OR10H5: variants seen among roughly 807,000 people sequenced by gnomAD.
OR10H5 encodes the protein olfactory receptor family 10 subfamily H member 5.
A neutral mutation model predicts 12.2 loss-of-function variants in OR10H5; 7 were observed. That is an observed-to-expected ratio of 0.57 (90% confidence interval 0.33 to 1.07). The LOEUF (loss-of-function observed/expected upper bound fraction) is 1.07. OR10H5 is among the 50% of genes least tolerant of loss of function. The pLI, the probability that OR10H5 is intolerant of heterozygous loss-of-function variation, is 0.04. For missense variants in OR10H5, 346 were observed against 411.6 expected (o/e 0.84, Z 1.38); for synonymous variants, 159 against 175.1 (o/e 0.91, Z 0.73).
At chr19:15,791,717 G>A (rs573576165) in intron 1 of OR10H5, among the ~76,000 whole-genome samples, 13 of 150,704 alleles carry the variant, frequency 8.6e-5, no homozygotes, top group African/African-American at 3.2e-4. Context: ...TTTTGAGACG[G>A]AGTCTCGCTC....
At position 15,794,651 on chromosome 19, in the gene OR10H5, CTT is replaced by C. The variant is rs1290470961; in HGVS notation, c.604_605del (p.Leu202GlyfsTer31). 2.5e-6 allele frequency: 4 copies of C among 1,614,166 alleles called. No homozygotes were observed. In the South Asian group the frequency reaches 4.4e-5, roughly 18 times the overall value. On this transcript the variant is annotated frameshift_variant, in exon 2 of 2. Coordinates refer to ENST00000642092, the MANE Select transcript of OR10H5 (RefSeq NM_001004466.2). LOFTEE classifies it high-confidence loss of function. ...TGCTGGTGGTGGCCAAAGGCGTGGG[CTT>C]GGTGTGTATCACGGCCCTGCTGGGC... ...DVLVVAKGVG[L>X]VCITALLGCF... is the part of the protein sequence containing the mutation.
chr19:15,793,553 A>G (rs2088818846), intron 1 of OR10H5, among the ~76,000 whole-genome samples: 2 of 152,056 alleles, frequency 1.3e-5, no homozygotes, highest in South Asian at 4.2e-4. Context: ...GGTGTGAGCC[A>G]TCATTCCCAG....
At chr19:15,792,428 T>C (rs780492930) in intron 1 of OR10H5, among the ~76,000 whole-genome samples, 5 of 152,166 alleles carry the variant, frequency 3.3e-5, no homozygotes, top group Non-Finnish European at 7.4e-5. Context: ...AGAACTTTAG[T>C]CTGACCATCC....
intron 1 of OR10H5, among the ~76,000 whole-genome samples, chr19:15,792,942 T>C (rs908537510): frequency 2.0e-5 from 3 of 151,904 alleles, no homozygotes; most frequent in Non-Finnish European, 4.4e-5. Flanking sequence ...CCCCTAGCTC[T>C]GAAGTGGGGA....
At chr19:15,788,221 A>G (rs932135424) in intron 1 of OR10H5, among the ~76,000 whole-genome samples, 1 of 152,106 alleles carries the variant, frequency 6.6e-6, no homozygotes, top group Non-Finnish European at 1.5e-5. Context: ...GTGGCTTAAA[A>G]CAAGATAAAT....
chr19:15,788,992 T>C (rs2033500), intron 1 of OR10H5, among the ~76,000 whole-genome samples: 5,677 of 152,232 alleles, frequency 0.037, 384 homozygotes, highest in African/African-American at 0.13. Context: ...GTATTAAGCC[T>C]GGCATACATT....
rs2088834580 is a variant in OR10H5 at position 15,795,257 on chromosome 19, C to G, written c.*261C>G. 2 of 510,932 alleles carry G rather than the reference C, an allele frequency of 3.9e-6. No individual in the cohort carries two copies. The highest frequency in any genetic ancestry group is 5.0e-5 in the South Asian group (2 of 39,792). 31.6% of individuals were successfully genotyped at this position (510,932 alleles called of 1,614,324 possible). ...CTGCCTACTTCCCTCTTTCCCTTCT[C>G]TCTGTCTCTTTCTGTTTCTATACCT... On this transcript the variant is annotated 3_prime_UTR_variant, in exon 2 of 2. Coordinates refer to ENST00000642092, the MANE Select transcript of OR10H5 (RefSeq NM_001004466.2).
chr19:15,792,765 C>A (rs1022702449), intron 1 of OR10H5, among the ~76,000 whole-genome samples: 1 of 152,072 alleles, frequency 6.6e-6, no homozygotes. Context: ...TGTGCCCGGC[C>A]CTTAACCTTA....
In OR10H5 at chr19:15,799,865, A is replaced by T. The variant is rs907460169; in HGVS notation, c.*4869A>T. 2.6e-5 allele frequency: 4 copies of T among 151,720 alleles called. No individual in the cohort carries two copies. The highest frequency in any genetic ancestry group is 5.9e-5 in the Non-Finnish European group (4 of 67,942). The allele number at this position is 151,720 out of a possible 1,614,324, so 9.4% of individuals were successfully genotyped here. On this transcript the variant is annotated 3_prime_UTR_variant, in exon 2 of 2. Transcript: ENST00000642092. Reference sequence around the variant, plus strand: ...TACAGGCGTGCCACCATGCCTGGCTAAATTTTTTTTGTGTTTTTAGTACAG... The same window carrying T: ...TACAGGCGTGCCACCATGCCTGGCTTAATTTTTTTTGTGTTTTTAGTACAG...
rs2088852495 is a variant in OR10H5 at position 15,798,620 on chromosome 19, C to A, written c.*3624C>A. On this transcript the variant is annotated 3_prime_UTR_variant, in exon 2 of 2. Transcript: ENST00000642092. ...ATCTGTGTCCTTCACTTCTTTTGTT[C>A]TTTTCTTCCCCGGTGCTGGCCTAAC... 1 of 152,084 alleles carries A rather than the reference C, an allele frequency of 6.6e-6. No individual in the cohort carries two copies. Among genetic ancestry groups the A allele is most frequent in the African/African-American group, 2.4e-5 (1 of 41,426 alleles). The allele number at this position is 152,084 out of a possible 1,614,324, so 9.4% of individuals were successfully genotyped here.
chr19:15,789,969 TA>T (rs1481764508), intron 1 of OR10H5, among the ~76,000 whole-genome samples: 1 of 151,956 alleles, frequency 6.6e-6, no homozygotes, highest in African/African-American at 2.4e-5. Flanking sequence ...ATTTTTTTGG[TA>T]AAGATGGGAT....
intron 1 of OR10H5, among the ~76,000 whole-genome samples, chr19:15,789,786 CT>C (rs11395185): frequency 1.3e-4 from 18 of 137,590 alleles, no homozygotes; most frequent in Admixed American, 1.5e-4. Context: ...CTTTTCTTTT[CT>C]TTTTTTTTTT....
rs1343720245 is a variant in OR10H5 at position 15,795,253 on chromosome 19, TTCTC to T, written c.*261_*264del. On this transcript the variant is annotated 3_prime_UTR_variant, in exon 2 of 2. Transcript: ENST00000642092. ...TTCTCTGCCTACTTCCCTCTTTCCC[TTCTC>T]TCTGTCTCTTTCTGTTTCTATACCT... is the stretch of plus-strand genomic sequence containing the variant. The T allele has an allele frequency of 4.1e-6, 2 of 483,568 alleles. No individual in the cohort carries two copies. Among genetic ancestry groups the T allele is most frequent in the African/African-American group, 2.1e-5 (1 of 48,524 alleles). 30.0% of individuals were successfully genotyped at this position (483,568 alleles called of 1,614,324 possible).
intron 1 of OR10H5, among the ~76,000 whole-genome samples, chr19:15,788,357 G>C (rs1228755424): frequency 6.6e-6 from 1 of 152,106 alleles, no homozygotes; most frequent in Admixed American, 6.6e-5. Context: ...TCTAGGCATT[G>C]ATTGATTTGT....
In OR10H5 at chr19:15,799,671, G is replaced by A. The variant is rs368337874; in HGVS notation, c.*4675G>A. ...AAACCTTAAAAGTATGACAAATAGA[G>A]GTTACTATATGTTCATTGAATGTCT... On this transcript the variant is annotated 3_prime_UTR_variant, in exon 2 of 2. Transcript: ENST00000642092. The A allele has an allele frequency of 1.1e-3, 162 of 149,362 alleles. 2 individuals are homozygous for A. The highest frequency in any genetic ancestry group is 3.8e-3 in the African/African-American group (155 of 40,404). The allele number at this position is 149,362 out of a possible 1,614,324, so 9.3% of individuals were successfully genotyped here.
Position 15,794,412 on chromosome 19 carries a change from C to T in OR10H5, c.364C>T (p.Arg122Cys), listed in dbSNP as rs145697877. 6.3e-5 allele frequency: 101 copies of T among 1,614,224 alleles called. 2 individuals carry two copies. Among genetic ancestry groups the T allele is most frequent in the South Asian group, 4.5e-4 (41 of 91,084 alleles). Residue 122 changes from arginine to cysteine, a missense_variant, in exon 2 of 2, where the codon CGC (arginine) becomes TGC (cysteine). By Grantham distance (180) the Arg-to-Cys change is radical. Coordinates refer to ENST00000642092, the MANE Select transcript of OR10H5 (RefSeq NM_001004466.2). ...SFLLTVMGYD[R>C]YVAICHPLRY... ...CCTGCTCACTGTCATGGGCTACGAC[C>T]GCTACGTGGCCATCTGCCACCCCCT...
chr19:15,792,372 C>T (rs899828205), intron 1 of OR10H5, among the ~76,000 whole-genome samples: 6 of 152,124 alleles, frequency 3.9e-5, no homozygotes, highest in Admixed American at 1.3e-4. Flanking sequence ...TCAGAATGCT[C>T]AGAAAACCTG....
At position 15,799,079 on chromosome 19, in the gene OR10H5, ACT is replaced by A. The variant is rs1296871006; in HGVS notation, c.*4086_*4087del. The A allele has an allele frequency of 6.6e-6, 1 of 152,014 alleles. No homozygotes were observed. The highest frequency in any genetic ancestry group is 2.4e-5 in the African/African-American group (1 of 41,366). The allele number at this position is 152,014 out of a possible 1,614,324, so 9.4% of individuals were successfully genotyped here. ...GCCAGAAGGATCTTTCTAAAGGGAA[ACT>A]CTGAAAAATCATCCCTCTACTTAAA... On this transcript the variant is annotated 3_prime_UTR_variant, in exon 2 of 2. Coordinates refer to ENST00000642092, the MANE Select transcript of OR10H5 (RefSeq NM_001004466.2).
In OR10H5 at chr19:15,799,669, G is replaced by C. The variant is rs565227001; in HGVS notation, c.*4673G>C. 1 of 149,664 alleles carries C rather than the reference G, an allele frequency of 6.7e-6. No individual in the cohort carries two copies. Among genetic ancestry groups the C allele is most frequent in the Non-Finnish European group, 1.5e-5 (1 of 67,754 alleles). 9.3% of individuals were successfully genotyped at this position (149,664 alleles called of 1,614,324 possible). A position where few individuals can be genotyped will look rare whatever the true frequency, so the allele number is the denominator to read the frequency against. On this transcript the variant is annotated 3_prime_UTR_variant, in exon 2 of 2. Transcript: ENST00000642092. ...GTAAACCTTAAAAGTATGACAAATA[G>C]AGGTTACTATATGTTCATTGAATGT...
Sources: gnomAD v4.1 joint callset for allele counts (sites outside exome capture counted in the v4.1 genomes callset) on GRCh38, gnomAD v4.1.1 for gene constraint, MANE v1.5 for transcripts, NCBI Gene and HGNC (gene_info 2026-07-23, HGNC 2026-07-21) for gene names.